Variants in SDK1 observed in about 807,000 individuals in gnomAD.
SDK1 encodes the protein sidekick cell adhesion molecule 1, also known as protein sidekick-1.
In SDK1, 157 loss-of-function variants were observed where a neutral mutation model predicts 245.5. That is an observed-to-expected ratio of 0.64 (90% CI 0.56 to 0.73). The LOEUF (loss-of-function observed/expected upper bound fraction) is 0.73. SDK1 is among the 30% of genes least tolerant of loss of function. SDK1 has a pLI of 0.00. For synonymous variants in SDK1, 1,647 were observed against 1,278.5 expected, an observed-to-expected ratio of 1.29 and a Z score of -6.15; for missense variants, 3,583 against 3,002.3, an observed-to-expected ratio of 1.19 and a Z score of -4.52.
At position 4,132,373 on chromosome 7, in the gene SDK1, C is replaced by T; in HGVS notation, c.4178C>T (p.Ser1393Phe). 1 of 1,613,304 alleles carries T rather than the reference C, an allele frequency of 6.2e-7. No homozygotes were observed. Among genetic ancestry groups the T allele is most frequent in the Non-Finnish European group, 8.5e-7 (1 of 1,179,580 alleles). The stretch of plus-strand genomic sequence containing the variant: ...GTGTTCCCCGAAGTGAGACTCACCT[C>T]CGTGCGGATAGTGTGGCAACCTCCG... ...RLVFPEVRLTSVRIVWQPPEE... is the reference protein window; with the variant it reads ...RLVFPEVRLTFVRIVWQPPEE... The change falls in exon 28 of 45, where the codon TCC (serine) becomes TTC (phenylalanine). Residue 1393 changes from serine (S) to phenylalanine (F), a missense_variant. Coordinates refer to ENST00000404826, the MANE Select transcript of SDK1 (RefSeq NM_152744.4).
At chr7:3,857,055 T>C (rs532327160) in intron 5 of SDK1, among the ~76,000 whole-genome samples, 2 of 152,214 alleles carry the variant, frequency 1.3e-5, no homozygotes, top group Middle Eastern at 3.4e-3. Flanking sequence ...TGGTTCAGAA[T>C]TACACTATGA....
chr7:3,560,650 C>T lies in SDK1; in HGVS notation c.299-58430C>T, dbSNP rs542454266. Among the ~76,000 whole-genome samples the T allele has an allele frequency of 2.9e-4, 44 of 152,318 alleles. No individual in the cohort carries two copies. The South Asian group carries it at 9.1e-3, about 32-fold the overall frequency. ...CAGCGTTGGCACGATCCTGTAAAAA[C>T]ATCAGAGCAGGTGGCACCCTTCTCA... On this transcript the variant is annotated intron_variant, in intron 1 of 44. Coordinates refer to ENST00000404826, the MANE Select transcript of SDK1 (RefSeq NM_152744.4).
At chr7:3,441,018 C>G (rs1780179193) in intron 1 of SDK1, among the ~76,000 whole-genome samples, 1 of 152,128 alleles carries the variant, frequency 6.6e-6, no homozygotes, top group Non-Finnish European at 1.5e-5. Flanking sequence ...TCAGTAGTAG[C>G]CTAATGCTGC....
chr7:4,105,654 TG>T (rs1033661680), intron 22 of SDK1, among the ~76,000 whole-genome samples: 1 of 152,186 alleles, frequency 6.6e-6, no homozygotes, highest in Non-Finnish European at 1.5e-5. Context: ...TGCACTGTGC[TG>T]GGGGTACTCT....
intron 13 of SDK1, among the ~76,000 whole-genome samples, chr7:3,980,538 A>G (rs1402289303): frequency 1.3e-5 from 2 of 152,270 alleles, no homozygotes; most frequent in African/African-American, 4.8e-5. Context: ...CCCATTAGAT[A>G]AGATTTTCTG....
chr7:3,686,105 T>G (rs940293299), intron 4 of SDK1, among the ~76,000 whole-genome samples: 5 of 152,238 alleles, frequency 3.3e-5, no homozygotes, highest in African/African-American at 1.2e-4. Context: ...GATGGAGTTT[T>G]GCTCTTGTTG....
intron 19 of SDK1, among the ~76,000 whole-genome samples, chr7:4,064,660 C>T (rs1368504990): frequency 6.6e-6 from 1 of 152,180 alleles, no homozygotes; most frequent in African/African-American, 2.4e-5. Context: ...GGAATCAACC[C>T]AAGCGTCCAT....
chr7:4,256,341 C>T (rs1362532754), intron 44 of SDK1, among the ~76,000 whole-genome samples: 1 of 152,236 alleles, frequency 6.6e-6, no homozygotes, highest in African/African-American at 2.4e-5. Context: ...GCCTTCATGG[C>T]TAGTAACTCT....
At chr7:4,192,649 A>G (rs771129597) in intron 35 of SDK1, among the ~76,000 whole-genome samples, 1 of 152,178 alleles carries the variant, frequency 6.6e-6, no homozygotes, top group Non-Finnish European at 1.5e-5. Context: ...AGATTATGGT[A>G]TCGTAGAAGC....
intron 22 of SDK1, among the ~76,000 whole-genome samples, chr7:4,109,277 T>A (rs1364255744): frequency 1.3e-5 from 2 of 152,170 alleles, no homozygotes; most frequent in Non-Finnish European, 2.9e-5. Context: ...GTTGAGAGTT[T>A]TGCGCTTTGC....
chr7:3,962,537 C>A (rs956301281), intron 8 of SDK1, 120 bp from the exon 9 acceptor site: 2 of 888,280 alleles, frequency 2.3e-6, no homozygotes, highest in Non-Finnish European at 1.7e-6. Context: ...TGGTTGAAAG[C>A]ACGAATACAC....
intron 15 of SDK1, among the ~76,000 whole-genome samples, chr7:4,011,459 C>T (rs555515725): frequency 1.4e-4 from 22 of 152,320 alleles, no homozygotes; most frequent in African/African-American, 1.9e-4. Context: ...GCCGGGTGGA[C>T]GCTGATGCCA....
intron 35 of SDK1, among the ~76,000 whole-genome samples, chr7:4,194,347 GATATAT>G (rs1783437759): frequency 9.5e-6 from 1 of 105,222 alleles, no homozygotes; most frequent in South Asian, 3.3e-4. Context: ...TACATGTATA[GATATAT>G]GTATGCACGT....
At chr7:4,018,303 G>A (rs1786585711) in intron 17 of SDK1, among the ~76,000 whole-genome samples, 1 of 152,182 alleles carries the variant, frequency 6.6e-6, no homozygotes. Flanking sequence ...CCCAAATCAT[G>A]CCTGAGACCT....
intron 1 of SDK1, among the ~76,000 whole-genome samples, chr7:3,442,049 C>G (rs1583863442): frequency 6.6e-6 from 1 of 152,170 alleles, no homozygotes; most frequent in Non-Finnish European, 1.5e-5. Flanking sequence ...CGTGTACTCA[C>G]CTAGCCTGCT....
At chr7:3,708,786 T>C (rs902642547) in intron 4 of SDK1, among the ~76,000 whole-genome samples, 8 of 152,276 alleles carry the variant, frequency 5.3e-5, no homozygotes, top group African/African-American at 1.9e-4. Context: ...CCAAACTCTA[T>C]TACCTTACAT....
chr7:4,023,336 C>T (rs532642691), intron 17 of SDK1, among the ~76,000 whole-genome samples: 59 of 151,996 alleles, frequency 3.9e-4, no homozygotes, highest in Non-Finnish European at 6.5e-4. Flanking sequence ...TAAAATGGGA[C>T]ATATTAACTT....
intron 5 of SDK1, among the ~76,000 whole-genome samples, chr7:3,827,951 T>C (rs1323339803): frequency 3.9e-5 from 6 of 152,196 alleles, no homozygotes; most frequent in African/African-American, 9.6e-5. Flanking sequence ...TTATTTGTTA[T>C]TAGAACAAAG....
At chr7:3,737,076 T>A (rs1779335340) in intron 4 of SDK1, among the ~76,000 whole-genome samples, 1 of 152,240 alleles carries the variant, frequency 6.6e-6, no homozygotes, top group Admixed American at 6.5e-5. Flanking sequence ...ACATCCATGT[T>A]ATCACAAATG....
Sources: gnomAD v4.1 joint callset for allele counts (sites outside exome capture counted in the v4.1 genomes callset) on GRCh38, gnomAD v4.1.1 for gene constraint, MANE v1.5 for transcripts, NCBI Gene and HGNC (gene_info 2026-07-23, HGNC 2026-07-21) for gene names.